EPG5: variants seen among roughly 807,000 people sequenced by gnomAD.
EPG5 encodes ectopic P-granules 5 autophagy tethering factor, also known as ectopic P granules protein 5 homolog.
In EPG5, 159 loss-of-function variants were observed where a neutral mutation model predicts 302.7. The observed-to-expected ratio is 0.53, with a 90% CI of 0.46 to 0.60. The LOEUF is 0.60. EPG5 is among the 20% of genes least tolerant of loss of function. The pLI is 0.00. For missense variants in EPG5, 2,896 were observed against 3,092.4 expected (o/e 0.94, Z 1.51); for synonymous variants, 1,158 against 1,136.8 (o/e 1.02, Z -0.37).
chr18:45,877,228 C>G (rs1185244791), intron 34 of EPG5, among the ~76,000 whole-genome samples: 3 of 151,868 alleles, frequency 2.0e-5, no homozygotes, highest in Non-Finnish European at 4.4e-5. Context: ...AAAACACTGT[C>G]TCTACTAAAA....
At chr18:45,959,116 A>G (rs1188199310) in intron 1 of EPG5, among the ~76,000 whole-genome samples, 1 of 152,130 alleles carries the variant, frequency 6.6e-6, no homozygotes, top group Admixed American at 6.5e-5. Flanking sequence ...CTCTTTCTCT[A>G]TTGCAGTTCC....
chr18:45,907,958 C>T lies in EPG5; in HGVS notation c.4329G>A (p.Gln1443=). 6.4e-7 allele frequency: 1 copy of T among 1,557,420 alleles called. No homozygotes were observed. The highest frequency in any genetic ancestry group is 8.6e-7 in the Non-Finnish European group (1 of 1,162,680). ...HRLAKVMQNQ[Q]DLWMEYLNME... is the part of the protein sequence containing the mutation. The stretch of plus-strand genomic sequence containing the variant: ...AAAAAAAGGAGGGCTATAATTTCAC[C>T]TGCTGATTCTGCATCACTTTTGCTA... Residue 1443 remains glutamine (Q), a splice_region_variant and synonymous_variant, in exon 24 of 44, where the codon CAG becomes CAA. Coordinates refer to ENST00000282041, the MANE Select transcript of EPG5 (RefSeq NM_020964.3).
chr18:45,839,321 G>A, the EPG5 span, among the ~76,000 whole-genome samples: 1 of 152,222 alleles, frequency 6.6e-6, no homozygotes, highest in Non-Finnish European at 1.5e-5. Flanking sequence ...TAAGTAACCT[G>A]CCTTTTGATA....
chr18:45,872,221 A>G lies in EPG5; in HGVS notation c.6050-1479T>C, dbSNP rs2048886020. Among the ~76,000 whole-genome samples the G allele has an allele frequency of 2.0e-5, 3 of 152,326 alleles. No homozygotes were observed. The South Asian group carries it at 6.2e-4, about 32-fold the overall frequency. On this transcript the variant is annotated intron_variant, in intron 35 of 43. Coordinates refer to ENST00000282041, the MANE Select transcript of EPG5 (RefSeq NM_020964.3). ...TTTTCTGAGACCTGGATTATTACTC[A>G]ATATTATCCTCACAAGTATCAATTC...
chr18:45,923,217 G>A (rs755534903), intron 15 of EPG5, 51 bp downstream of exon 15: 2 of 1,594,550 alleles, frequency 1.3e-6, no homozygotes, highest in Middle Eastern at 1.7e-4. Context: ...ATTTCTAAAT[G>A]TCTTGGGAAG....
In EPG5 at chr18:45,850,952, G is replaced by A. The variant is rs924950385; in HGVS notation, c.*1515C>T. On this transcript the variant is annotated 3_prime_UTR_variant, in exon 44 of 44. Coordinates refer to ENST00000282041, the MANE Select transcript of EPG5 (RefSeq NM_020964.3). ...AAGCTGAGACAGATCCCTCTGAGAC[G>A]GACATTTTGTGGCCTGTAAAACTCA... is the stretch of plus-strand genomic sequence containing the variant. The A allele has an allele frequency of 6.6e-6, 1 of 152,302 alleles. No individual in the cohort carries two copies. Among genetic ancestry groups the A allele is most frequent in the East Asian group, 1.9e-4 (1 of 5,204 alleles). 9.4% of individuals were successfully genotyped at this position (152,302 alleles called of 1,614,324 possible).
intron 39 of EPG5, among the ~76,000 whole-genome samples, chr18:45,864,631 C>A (rs1176831393): frequency 6.6e-5 from 10 of 152,196 alleles, no homozygotes; most frequent in Admixed American, 5.2e-4. Context: ...TTTCTTGGAA[C>A]TTTGAGGCAT....
chr18:45,837,855 AC>A, the EPG5 span: 2 of 1,538,366 alleles, frequency 1.3e-6, no homozygotes, highest in South Asian at 1.2e-5. Context: ...GACGTCCATG[AC>A]CGCTACGAGA....
intron 28 of EPG5, among the ~76,000 whole-genome samples, chr18:45,888,285 TC>T (rs2049261765): frequency 6.6e-6 from 1 of 151,522 alleles, no homozygotes; most frequent in Admixed American, 6.6e-5. Context: ...TTTGTATTTT[TC>T]TTTTATTTAT....
At chr18:45,908,913 C>T (rs2049825090) in intron 23 of EPG5, among the ~76,000 whole-genome samples, 1 of 150,764 alleles carries the variant, frequency 6.6e-6, no homozygotes, top group Non-Finnish European at 1.5e-5. Context: ...TGTGCCACTG[C>T]ACTTCAGCCT....
At chr18:45,820,037 C>T in the EPG5 span, among the ~76,000 whole-genome samples, 1 of 152,082 alleles carries the variant, frequency 6.6e-6, no homozygotes, top group African/African-American at 2.4e-5. Context: ...AAGCTGGGAC[C>T]CAGTTTCACC....
In EPG5 at chr18:45,852,304, C is replaced by CACACAT. The variant is rs2048433614; in HGVS notation, c.*162_*163insATGTGT. ...AAACACACACACACACACACACACACCCCAAAATTATCTAATATCTAACGC... is the reference window on the plus strand; with the variant it reads ...AAACACACACACACACACACACACACACACATCCCAAAATTATCTAATATCTAACGC... On this transcript the variant is annotated 3_prime_UTR_variant, in exon 44 of 44. Transcript: ENST00000282041. 1 of 613,156 alleles carries CACACAT rather than the reference C, an allele frequency of 1.6e-6. No individual in the cohort carries two copies. The highest frequency in any genetic ancestry group is 1.9e-5 in the African/African-American group (1 of 53,352). The allele number at this position is 613,156 out of a possible 1,614,324, so 38.0% of individuals were successfully genotyped here. A position where few individuals can be genotyped will look rare whatever the true frequency, so the allele number is the denominator to read the frequency against.
chr18:45,915,089 A>C (rs2049998568), intron 20 of EPG5, among the ~76,000 whole-genome samples: 1 of 151,894 alleles, frequency 6.6e-6, no homozygotes, highest in Non-Finnish European at 1.5e-5. Context: ...GACCAGCCTG[A>C]CCAACATGGA....
At chr18:45,814,549 A>C in the EPG5 span, among the ~76,000 whole-genome samples, 1 of 152,214 alleles carries the variant, frequency 6.6e-6, no homozygotes, top group Non-Finnish European at 1.5e-5. Flanking sequence ...TTTGATAACT[A>C]TACAGTTATT....
chr18:45,887,306 C>T (rs1316613254), intron 29 of EPG5, among the ~76,000 whole-genome samples: 1 of 152,174 alleles, frequency 6.6e-6, no homozygotes, highest in Non-Finnish European at 1.5e-5. Context: ...TTGTCAGAAG[C>T]CCTGGGATCC....
intron 39 of EPG5, among the ~76,000 whole-genome samples, chr18:45,864,130 G>A (rs887663749): frequency 1.3e-4 from 20 of 152,012 alleles, no homozygotes; most frequent in African/African-American, 4.4e-4. Context: ...TAGAGATGGG[G>A]TCTCACTATT....
intron 27 of EPG5, among the ~76,000 whole-genome samples, chr18:45,896,398 G>A (rs1470072094): frequency 6.6e-6 from 1 of 152,184 alleles, no homozygotes; most frequent in Non-Finnish European, 1.5e-5. Context: ...CCTGCTTTAA[G>A]AAAACTTAAA....
chr18:45,877,371 A>G (rs1369077108), intron 34 of EPG5, among the ~76,000 whole-genome samples: 1 of 152,216 alleles, frequency 6.6e-6, no homozygotes, highest in African/African-American at 2.4e-5. Context: ...GTGAGCCAAG[A>G]TCACGTCACT....
the EPG5 span, among the ~76,000 whole-genome samples, chr18:45,819,589 G>A: frequency 6.6e-6 from 1 of 152,122 alleles, no homozygotes; most frequent in Non-Finnish European, 1.5e-5. Flanking sequence ...CAATTGTGTT[G>A]CTTCTCAAAA....
Sources: allele counts gnomAD v4.1 joint callset (sites outside exome capture counted in the v4.1 genomes callset), GRCh38; gene constraint gnomAD v4.1.1; transcripts MANE v1.5; gene names NCBI Gene and HGNC (gene_info 2026-07-23, HGNC 2026-07-21).